The following OSMR variants were observed in gnomAD, a reference collection of about 807,000 sequenced individuals.
OSMR encodes the protein oncostatin-M-specific receptor subunit beta.
Under a neutral mutation model 99.9 loss-of-function variants are expected in OSMR, and 81 were observed. The observed-to-expected ratio is 0.81, with a 90% confidence interval of 0.68 to 0.97. The LOEUF (loss-of-function observed/expected upper bound fraction) is 0.97, where lower values mean the gene tolerates loss of function less well. Among genes scored for constraint, OSMR ranks in the 50% least tolerant of loss-of-function variants. OSMR has a pLI of 0.00. For missense variants in OSMR, 1,099 were observed against 1,153.4 expected (o/e 0.95, Z 0.68); for synonymous variants, 406 against 410.4 (o/e 0.99, Z 0.13).
At chr5:38,940,019 CTT>C (rs35397307), downstream of OSMR, 225 of 201,300 alleles carry the variant, frequency 1.1e-3, no homozygotes, top group Non-Finnish European at 1.5e-3. Flanking sequence ...TAAGCGTAGA[CTT>C]TTTTTTTTTT....
In OSMR at chr5:38,854,148, C is replaced by T. The variant is rs1740672093; in HGVS notation, c.-14+7761C>T. On this transcript the variant is annotated intron_variant, in intron 1 of 17. Transcript: ENST00000274276. Reference sequence around the variant, plus strand: ...CAGGACTCTTTCATAAATGCATACACCCAGGCATGAGACCTCCAAGAAAGG... The same window carrying T: ...CAGGACTCTTTCATAAATGCATACATCCAGGCATGAGACCTCCAAGAAAGG... Among the ~76,000 whole-genome samples the T allele has an allele frequency of 2.0e-5, 3 of 152,096 alleles. No homozygotes were observed. The South Asian group carries it at 6.2e-4, about 32-fold the overall frequency.
At chr5:38,852,718 ATTTTTTTTTTTTTTTTT>A (rs61559728) in intron 1 of OSMR, among the ~76,000 whole-genome samples, 1 of 70,660 alleles carries the variant, frequency 1.4e-5, no homozygotes, top group Non-Finnish European at 2.6e-5. Context: ...TATTGTTTTC[ATTTTTTTTTTTTTTTTT>A]TTTTTTTTTT....
rs573325082 is a variant in OSMR at position 38,919,406 on chromosome 5, A to G, written c.1585+344A>G. On this transcript the variant is annotated intron_variant, in intron 11 of 17. Transcript: ENST00000274276. ...TATTTATGATCTTTGTGGCTTGTGA[A>G]ATAGGAATTGCATTTACTATTTTGT... The G allele has an allele frequency of 1.5e-5, 19 of 1,236,606 alleles. No homozygotes were observed. The East Asian group carries it at 9.4e-4, about 61-fold the overall frequency. 76.6% of individuals were successfully genotyped at this position (1,236,606 alleles called of 1,614,324 possible).
intron 3 of OSMR, among the ~76,000 whole-genome samples, chr5:38,878,856 G>A (rs1222105059): frequency 1.3e-5 from 2 of 152,202 alleles, no homozygotes; most frequent in Admixed American, 1.3e-4. Context: ...GGTTAAACAG[G>A]TTCCACACAT....
At chr5:38,847,260 A>G (rs1176493380) in intron 1 of OSMR, among the ~76,000 whole-genome samples, 1 of 152,222 alleles carries the variant, frequency 6.6e-6, no homozygotes, top group Non-Finnish European at 1.5e-5. Context: ...CCTTGTCTGC[A>G]AATAATAATG....
intron 7 of OSMR, among the ~76,000 whole-genome samples, chr5:38,894,757 A>G (rs1744387237): frequency 6.6e-6 from 1 of 152,130 alleles, no homozygotes; most frequent in African/African-American, 2.4e-5. Context: ...CCACAAAAAA[A>G]TAGTTGGGGA....
At chr5:38,883,000 G>A (rs899872403) in intron 4 of OSMR, among the ~76,000 whole-genome samples, 10 of 152,148 alleles carry the variant, frequency 6.6e-5, no homozygotes, top group African/African-American at 2.2e-4. Context: ...CACATACACA[G>A]GGAAAGAAAA....
exon 2 of OSMR, chr5:38,944,209 A>G: frequency 3.4e-6 from 2 of 591,078 alleles, no homozygotes; most frequent in Non-Finnish European, 6.3e-6. Flanking sequence ...AGATCTCTTC[A>G]AAAGTCTGGC....
In OSMR at chr5:38,932,876, A is replaced by C; in HGVS notation, c.2372A>C (p.Asn791Thr). The stretch of plus-strand genomic sequence containing the variant: ...ATATTTTTGTTTCCTTTCTAGGAGA[A>C]CCCTCACCTAATAATAATGAATGTC... ...SILSLIKFKE[N>T]PHLIIMNVSD... The change falls in exon 18 of 18, where the codon AAC becomes ACC. Residue 791 changes from asparagine (N) to threonine (T), a missense_variant. Transcript: ENST00000274276. The C allele has an allele frequency of 1.2e-6, 2 of 1,613,486 alleles. No individual in the cohort carries two copies. The highest frequency in any genetic ancestry group is 1.7e-6 in the Non-Finnish European group (2 of 1,179,484).
chr5:38,938,040 CA>C (rs879931809), downstream of OSMR: 5 of 202,360 alleles, frequency 2.5e-5, no homozygotes, highest in Non-Finnish European at 5.1e-5. Context: ...AAAATCACAA[CA>C]AAAAAAATCA....
chr5:38,888,481 C>T (rs1743945338), intron 7 of OSMR, among the ~76,000 whole-genome samples: 1 of 152,116 alleles, frequency 6.6e-6, no homozygotes, highest in African/African-American at 2.4e-5. Flanking sequence ...AGACAGGAAA[C>T]ATTTCTGGAG....
At position 38,852,718 on chromosome 5, in the gene OSMR, A is replaced by ATTTTTTTTTTTTTTTTTTTTT. The variant is rs61559728; in HGVS notation, c.-14+6341_-14+6361dup. Among the ~76,000 whole-genome samples, 23 of 70,678 alleles carry ATTTTTTTTTTTTTTTTTTTTT rather than the reference A, an allele frequency of 3.3e-4. 4 individuals carry two copies. The highest frequency in any genetic ancestry group is 6.4e-4 in the African/African-American group (12 of 18,688). The allele number at this position is 70,678 out of a possible 152,430, so 46.4% of individuals were successfully genotyped here. A position where few individuals can be genotyped will look rare whatever the true frequency, so the allele number is the denominator to read the frequency against. Reference sequence around the variant, plus strand: ...GATACATATTGAAACTATTGTTTTCATTTTTTTTTTTTTTTTTTTTTTTTT... The same window carrying ATTTTTTTTTTTTTTTTTTTTT: ...GATACATATTGAAACTATTGTTTTCATTTTTTTTTTTTTTTTTTTTTTTTTTTTTTTTTTTTTTTTTTTTTT... On this transcript the variant is annotated intron_variant, in intron 1 of 17. Transcript: ENST00000274276.
chr5:38,917,878 G>C (rs1239975986), intron 10 of OSMR, among the ~76,000 whole-genome samples: 1 of 152,006 alleles, frequency 6.6e-6, no homozygotes, highest in Non-Finnish European at 1.5e-5. Context: ...ACTTTTGCAG[G>C]GCCCAGGGCA....
chr5:38,922,662 G>A (rs1361484746), intron 12 of OSMR, among the ~76,000 whole-genome samples: 1 of 152,184 alleles, frequency 6.6e-6, no homozygotes, highest in Non-Finnish European at 1.5e-5. Flanking sequence ...GGGGCCAGGT[G>A]TTTGCAACAT....
intron 1 of OSMR, among the ~76,000 whole-genome samples, chr5:38,858,577 T>C (rs1741040093): frequency 1.3e-5 from 2 of 152,180 alleles, no homozygotes; most frequent in Non-Finnish European, 2.9e-5. Context: ...AACATGGGGG[T>C]GCAGGGATCC....
Position 38,886,189 on chromosome 5 carries a change from A to C in OSMR, c.990A>C (p.Arg330=). ...SVNILFNLTH[R]VYLMNPFSVN... The stretch of plus-strand genomic sequence containing the variant: ...ATATCCTTTTTAACCTGACTCATCG[A>C]GGTGAGACTAGAGTTGTCACAGCCC... Residue 330 remains arginine (R), a splice_region_variant and synonymous_variant, in exon 7 of 18, where the codon CGA becomes CGC. Transcript: ENST00000274276. The C allele has an allele frequency of 6.2e-7, 1 of 1,614,138 alleles. No homozygotes were observed. The highest frequency in any genetic ancestry group is 1.1e-5 in the South Asian group (1 of 91,078).
Position 38,869,213 on chromosome 5 carries a change from T to C in OSMR, c.73+96T>C. ...AAAAGTTAAACAGTTCTTTTTTCTT[T>C]GGGAATTACTTAAAATTCCTGAGTA... On this transcript the variant is annotated intron_variant, in intron 2 of 17. Coordinates refer to ENST00000274276, the MANE Select transcript of OSMR (RefSeq NM_003999.3). The C allele has an allele frequency of 3.2e-6, 3 of 942,374 alleles. No individual in the cohort carries two copies. The Admixed American group carries it at 5.1e-5, about 16-fold the overall frequency. 58.4% of individuals were successfully genotyped at this position (942,374 alleles called of 1,614,324 possible).
At chr5:38,891,603 AC>A (rs1318673088) in intron 7 of OSMR, among the ~76,000 whole-genome samples, 1 of 152,104 alleles carries the variant, frequency 6.6e-6, no homozygotes, top group East Asian at 1.9e-4. Flanking sequence ...CCACACTTAC[AC>A]CATGGACCTT....
chr5:38,919,045 C>T lies in OSMR; in HGVS notation c.1568C>T (p.Ser523Phe), dbSNP rs1211542062. ...GASPASVIVI[S>F]ADPENKEVEE... is the part of the protein sequence containing the mutation. ...TCTCCTGCTTCTGTAATAGTCATCT[C>T]TGCAGACCCCGAAAACAGTGAGTTT... Residue 523 changes from serine (S) to phenylalanine (F), a missense_variant, in exon 11 of 18, where the codon TCT becomes TTT. Physicochemically the swap from Ser to Phe is radical, Grantham distance 155 (BLOSUM62 -2). Transcript: ENST00000274276. 1 of 1,614,034 alleles carries T rather than the reference C, an allele frequency of 6.2e-7. No individual in the cohort carries two copies. Among genetic ancestry groups the T allele is most frequent in the African/African-American group, 1.3e-5 (1 of 75,042 alleles).
Sources: gnomAD v4.1 joint callset for allele counts (sites outside exome capture counted in the v4.1 genomes callset) on GRCh38, gnomAD v4.1.1 for gene constraint, MANE v1.5 for transcripts, NCBI Gene and HGNC (gene_info 2026-07-23, HGNC 2026-07-21) for gene names.